Variants in SNTG2 observed in about 807,000 individuals in gnomAD.
SNTG2 encodes gamma-2-syntrophin.
SNTG2 carries 74 observed loss-of-function variants against 70.9 expected under a neutral mutation model. That is an observed-to-expected ratio of 1.04 (90% CI 0.86 to 1.27). SNTG2 has a LOEUF of 1.27. SNTG2 is among the 50% of genes most tolerant of loss of function. The pLI, the probability that SNTG2 is intolerant of heterozygous loss-of-function variation, is 0.00. For missense variants in SNTG2, 717 were observed against 690.7 expected, an observed-to-expected ratio of 1.04 and a Z score of -0.43; for synonymous variants, 278 against 273.8, an observed-to-expected ratio of 1.02 and a Z score of -0.15.
At chr2:1,300,234 G>A (rs1201549021) in intron 14 of SNTG2, among the ~76,000 whole-genome samples, 4 of 152,102 alleles carry the variant, frequency 2.6e-5, no homozygotes, top group African/African-American at 9.7e-5. Context: ...TGTGCAAGAA[G>A]GGTGCTTTAA....
At chr2:1,176,024 T>C (rs1237689622) in intron 8 of SNTG2, among the ~76,000 whole-genome samples, 1 of 152,194 alleles carries the variant, frequency 6.6e-6, no homozygotes, top group Non-Finnish European at 1.5e-5. Flanking sequence ...GGAGTAATTG[T>C]GGAATTATGG....
At chr2:958,155 G>A (rs1462608790) in intron 1 of SNTG2, among the ~76,000 whole-genome samples, 2 of 152,118 alleles carry the variant, frequency 1.3e-5, no homozygotes, top group Non-Finnish European at 2.9e-5. Context: ...GGTCCGCATG[G>A]TGGCTGCAGC....
At chr2:1,277,364 A>C (rs1372065134) in intron 14 of SNTG2, among the ~76,000 whole-genome samples, 1 of 152,242 alleles carries the variant, frequency 6.6e-6, no homozygotes, top group Admixed American at 6.5e-5. Flanking sequence ...ATCAGTCAGC[A>C]GCCATCAACA....
At chr2:1,266,505 G>T (rs1271628719) in intron 13 of SNTG2, among the ~76,000 whole-genome samples, 1 of 152,160 alleles carries the variant, frequency 6.6e-6, no homozygotes, top group Non-Finnish European at 1.5e-5. Flanking sequence ...CATTCCCTTT[G>T]TCAGGCCTTT....
At chr2:1,099,251 C>T (rs1267345495) in intron 4 of SNTG2, among the ~76,000 whole-genome samples, 2 of 152,064 alleles carry the variant, frequency 1.3e-5, no homozygotes, top group Non-Finnish European at 2.9e-5. Context: ...GGGCGGTTAG[C>T]TTATGTCCTT....
chr2:1,050,892 C>T (rs1342671438), intron 1 of SNTG2, among the ~76,000 whole-genome samples: 2 of 152,144 alleles, frequency 1.3e-5, no homozygotes, highest in African/African-American at 4.8e-5. Flanking sequence ...GCACATCTTT[C>T]ATTAGATTTA....
intron 4 of SNTG2, among the ~76,000 whole-genome samples, chr2:1,132,870 C>G (rs569135425): frequency 6.6e-6 from 1 of 152,340 alleles, no homozygotes; most frequent in East Asian, 1.9e-4. Context: ...CTCCTGAGTT[C>G]AGTGAGAACC....
intron 1 of SNTG2, among the ~76,000 whole-genome samples, chr2:957,702 G>A (rs1225029900): frequency 4.6e-5 from 7 of 151,982 alleles, no homozygotes; most frequent in Non-Finnish European, 1.0e-4. Flanking sequence ...CATGGAAGGC[G>A]AGACTGGTAC....
At position 1,308,487 on chromosome 2, in the gene SNTG2, T is replaced by A; in HGVS notation, c.1285-7T>A. 1 of 1,550,648 alleles carries A rather than the reference T, an allele frequency of 6.4e-7. No homozygotes were observed. The highest frequency in any genetic ancestry group is 8.7e-7 in the Non-Finnish European group (1 of 1,146,464). On this transcript the variant is annotated splice_region_variant and splice_polypyrimidine_tract_variant and intron_variant, in intron 14 of 16. Transcript: ENST00000308624. ...AATGTTTTCTCAAAATTGATACTTT[T>A]TTCTAGTCCAGAACATACATGTGCA...
chr2:990,062 C>T lies in SNTG2; in HGVS notation c.72+38994C>T, dbSNP rs1026980723. Among the ~76,000 whole-genome samples the T allele has an allele frequency of 2.0e-5, 3 of 150,844 alleles. 1 individual carries two copies. Among genetic ancestry groups the T allele is most frequent in the South Asian group, 4.4e-4 (2 of 4,524 alleles). On this transcript the variant is annotated intron_variant, in intron 1 of 16. Transcript: ENST00000308624. ...CCCTTTGTGGTTATTCTGACTCACA[C>T]GCAGCTTTATGCCTTTGCTAACCTT... is the stretch of plus-strand genomic sequence containing the variant.
chr2:1,236,583 G>A lies in SNTG2; in HGVS notation c.720-1305G>A, dbSNP rs185912776. 2.2e-3 allele frequency among the ~76,000 whole-genome samples: 340 copies of A among 152,356 alleles called. 6 individuals are homozygous for A. Among genetic ancestry groups the A allele is most frequent in the Non-Finnish European group, 4.7e-4 (32 of 68,040 alleles). On this transcript the variant is annotated intron_variant, in intron 9 of 16. Coordinates refer to ENST00000308624, the MANE Select transcript of SNTG2 (RefSeq NM_018968.4). ...TCAGGCAGAATATCAGCCACAAGTA[G>A]ATAAACCTCACATTCTGATTCAAGA...
rs1246373100 is a variant in SNTG2, at chr2:1,116,471, TG to T, written c.325+18064del. 5.3e-5 allele frequency among the ~76,000 whole-genome samples: 8 copies of T among 150,392 alleles called. No individual in the cohort carries two copies. The East Asian group carries it at 7.9e-4, about 15-fold the overall frequency. ...TCTGGTGTGTGGGTGCTCTGGTGTG[TG>T]GGTGCTTCGGTGTATGGGTGCCCTG... On this transcript the variant is annotated intron_variant, in intron 4 of 16. Transcript: ENST00000308624.
At chr2:1,264,667 A>G (rs961664482) in intron 13 of SNTG2, among the ~76,000 whole-genome samples, 3 of 152,106 alleles carry the variant, frequency 2.0e-5, no homozygotes, top group Non-Finnish European at 2.9e-5. Flanking sequence ...TGCTCTAAGT[A>G]TATCTTCTCT....
intron 4 of SNTG2, among the ~76,000 whole-genome samples, chr2:1,106,078 T>C (rs866465864): frequency 0.091 from 11,675 of 128,804 alleles, 695 homozygotes; most frequent in Admixed American, 0.11. Flanking sequence ...AGTGGACACC[T>C]GCTGTCACTC....
At chr2:1,061,243 G>T (rs907646126) in intron 1 of SNTG2, among the ~76,000 whole-genome samples, 1 of 152,208 alleles carries the variant, frequency 6.6e-6, no homozygotes, top group Non-Finnish European at 1.5e-5. Context: ...ACAAAGCCGT[G>T]TGATCCTGGG....
At chr2:967,785 T>C (rs1003358075) in intron 1 of SNTG2, among the ~76,000 whole-genome samples, 1 of 152,180 alleles carries the variant, frequency 6.6e-6, no homozygotes, top group African/African-American at 2.4e-5. Context: ...TCCCAGCACG[T>C]TGGGAGGCCA....
intron 8 of SNTG2, among the ~76,000 whole-genome samples, chr2:1,191,576 A>T (rs1672596188): frequency 6.6e-6 from 1 of 152,164 alleles, no homozygotes; most frequent in Admixed American, 6.5e-5. Flanking sequence ...TGAACGGATC[A>T]TGAGGTCAGG....
chr2:1,309,189 A>G (rs1371261476), intron 15 of SNTG2, among the ~76,000 whole-genome samples: 2 of 152,250 alleles, frequency 1.3e-5, no homozygotes, highest in Admixed American at 1.3e-4. Flanking sequence ...AATTTCAACA[A>G]ATCGAGTTGA....
At chr2:1,061,547 C>T (rs2148114440) in intron 1 of SNTG2, among the ~76,000 whole-genome samples, 1 of 152,296 alleles carries the variant, frequency 6.6e-6, no homozygotes, top group South Asian at 2.1e-4. Context: ...CAGAGTTTCT[C>T]TTCTGTAATG....
Sources: allele counts gnomAD v4.1 joint callset (sites outside exome capture counted in the v4.1 genomes callset), GRCh38; gene constraint gnomAD v4.1.1; transcripts MANE v1.5; gene names NCBI Gene and HGNC (gene_info 2026-07-23, HGNC 2026-07-21).